The following CFAP61 variants were observed in gnomAD, a reference collection of about 807,000 sequenced individuals.
CFAP61 encodes the protein cilia- and flagella-associated protein 61.
A neutral mutation model predicts 135.6 loss-of-function variants in CFAP61; 107 were observed. The ratio of observed to expected loss-of-function variants is 0.79; its 90% CI spans 0.67 to 0.93. The LOEUF (loss-of-function observed/expected upper bound fraction) is 0.93. CFAP61 is among the 40% of genes least tolerant of loss of function. The pLI, the probability that CFAP61 is intolerant of heterozygous loss-of-function variation, is 0.00. For synonymous variants in CFAP61, 575 were observed against 578.5 expected, an observed-to-expected ratio of 0.99 and a Z score of 0.09; for missense variants, 1,507 against 1,556.2, an observed-to-expected ratio of 0.97 and a Z score of 0.53.
chr20:20,190,064 C>T (rs1052642675), intron 14 of CFAP61, among the ~76,000 whole-genome samples: 7 of 152,150 alleles, frequency 4.6e-5, no homozygotes, highest in Admixed American at 1.3e-4. Flanking sequence ...GGATTACAGG[C>T]GTGAGCCACC....
chr20:20,058,903 C>T (rs763219789), intron 2 of CFAP61, among the ~76,000 whole-genome samples: 1 of 152,120 alleles, frequency 6.6e-6, no homozygotes, highest in African/African-American at 2.4e-5. Flanking sequence ...CACAAGGAAA[C>T]ATGTATCATT....
chr20:20,056,530 C>T (rs1600308609), intron 1 of CFAP61, 88 bp from the exon 2 acceptor site: 4 of 905,440 alleles, frequency 4.4e-6, no homozygotes. Flanking sequence ...ATTCTCACAC[C>T]ATGTTCACTC....
intron 6 of CFAP61, among the ~76,000 whole-genome samples, chr20:20,088,531 G>C (rs930091837): frequency 6.6e-6 from 1 of 152,088 alleles, no homozygotes. Context: ...TCACTATCAT[G>C]AGAATAGCAT....
intron 25 of CFAP61, among the ~76,000 whole-genome samples, chr20:20,312,782 C>T (rs960604130): frequency 2.6e-5 from 4 of 152,140 alleles, no homozygotes; most frequent in African/African-American, 9.7e-5. Flanking sequence ...AGCCAGAAAA[C>T]AGTGGAGCAA....
rs549572074 is a variant in CFAP61, at chr20:20,306,165, G to A, written c.3422+7779G>A. On this transcript the variant is annotated intron_variant, in intron 25 of 26. Coordinates refer to ENST00000245957, the MANE Select transcript of CFAP61 (RefSeq NM_015585.4). ...TAAAAGGTGAGACCATGTTTGAACT[G>A]CCCTGAAATTACAGCCAGCACATGT... is the stretch of plus-strand genomic sequence containing the variant. Among the ~76,000 whole-genome samples the A allele has an allele frequency of 1.6e-3, 250 of 152,280 alleles. 1 individual carries two copies. The highest frequency in any genetic ancestry group is 5.9e-3 in the African/African-American group (245 of 41,554).
intron 2 of CFAP61, among the ~76,000 whole-genome samples, chr20:20,070,101 A>G (rs796934772): frequency 6.6e-6 from 1 of 152,194 alleles, no homozygotes; most frequent in Admixed American, 6.5e-5. Context: ...AAGACAGGGT[A>G]GCAGTTGGGA....
chr20:20,162,943 G>A (rs1236196806), intron 10 of CFAP61, among the ~76,000 whole-genome samples: 1 of 152,162 alleles, frequency 6.6e-6, no homozygotes, highest in Non-Finnish European at 1.5e-5. Flanking sequence ...TAAGATGTGG[G>A]GAAGAGGGTA....
At chr20:20,316,685 A>G (rs2057156694) in intron 25 of CFAP61, 1 of 151,752 alleles carries the variant, frequency 6.6e-6, no homozygotes, top group Admixed American at 6.6e-5. Flanking sequence ...TTTGTCATAG[A>G]TAGCTCTTAT....
intron 2 of CFAP61, among the ~76,000 whole-genome samples, chr20:20,067,005 T>C (rs1269575654): frequency 4.6e-5 from 7 of 152,068 alleles, no homozygotes; most frequent in African/African-American, 1.7e-4. Flanking sequence ...TTTCTAAAAT[T>C]AGTTAAATGA....
At chr20:20,346,512 C>T (rs1311465422) in intron 26 of CFAP61, among the ~76,000 whole-genome samples, 2 of 53,428 alleles carry the variant, frequency 3.7e-5, no homozygotes, top group Non-Finnish European at 7.0e-5. Flanking sequence ...GAGCAAAACT[C>T]CGTCTCAAAA....
At chr20:20,126,101 G>T (rs1015903600) in intron 8 of CFAP61, among the ~76,000 whole-genome samples, 5 of 151,626 alleles carry the variant, frequency 3.3e-5, no homozygotes, top group African/African-American at 1.2e-4. Flanking sequence ...GGTTTATGTG[G>T]GTCCTTATGT....
chr20:20,084,078 G>A (rs1047545811), intron 6 of CFAP61, among the ~76,000 whole-genome samples: 2 of 152,098 alleles, frequency 1.3e-5, no homozygotes, highest in Non-Finnish European at 2.9e-5. Context: ...TCTAGTTGAC[G>A]CCGATCTTAG....
At chr20:20,262,105 G>A (rs1407760218) in intron 20 of CFAP61, among the ~76,000 whole-genome samples, 1 of 152,100 alleles carries the variant, frequency 6.6e-6, no homozygotes, top group East Asian at 1.9e-4. Flanking sequence ...CAATTTCTGT[G>A]GCAGATTATT....
At chr20:20,325,805 C>T (rs1602028024) in intron 25 of CFAP61, among the ~76,000 whole-genome samples, 1 of 152,284 alleles carries the variant, frequency 6.6e-6, no homozygotes, top group East Asian at 1.9e-4. Flanking sequence ...TCCAAAGTAG[C>T]TATACACCAT....
intron 7 of CFAP61, among the ~76,000 whole-genome samples, chr20:20,091,364 T>C (rs1009075473): frequency 6.6e-6 from 1 of 152,160 alleles, no homozygotes; most frequent in Non-Finnish European, 1.5e-5. Context: ...TTTTAACTTT[T>C]TGTTTTGACA....
chr20:20,292,686 C>T (rs1237761133), intron 24 of CFAP61, among the ~76,000 whole-genome samples: 7 of 152,176 alleles, frequency 4.6e-5, no homozygotes, highest in African/African-American at 1.7e-4. Flanking sequence ...AAGTGTTCAC[C>T]ACAGCCTCCC....
intron 2 of CFAP61, among the ~76,000 whole-genome samples, chr20:20,063,962 ATAACTC>A (rs377752149): frequency 6.6e-6 from 1 of 152,000 alleles, no homozygotes; most frequent in African/African-American, 2.4e-5. Context: ...AACTGACAAA[ATAACTC>A]TAAGCTCATT....
intron 26 of CFAP61, among the ~76,000 whole-genome samples, chr20:20,344,072 G>C (rs913059673): frequency 6.6e-6 from 1 of 152,210 alleles, no homozygotes; most frequent in Non-Finnish European, 1.5e-5. Context: ...TCCACTGGAG[G>C]ATTTTTCTAT....
At chr20:20,320,855 A>G (rs2057477400) in intron 25 of CFAP61, among the ~76,000 whole-genome samples, 2 of 151,860 alleles carry the variant, frequency 1.3e-5, no homozygotes, top group Admixed American at 1.3e-4. Context: ...CCCAGCTGCC[A>G]AGAGGACAGC....
Sources: gnomAD v4.1 joint callset for allele counts (sites outside exome capture counted in the v4.1 genomes callset) on GRCh38, gnomAD v4.1.1 for gene constraint, MANE v1.5 for transcripts, NCBI Gene and HGNC (gene_info 2026-07-23, HGNC 2026-07-21) for gene names.